MPZL3: variants seen among roughly 807,000 people sequenced by gnomAD.
The protein encoded by MPZL3 is myelin protein zero like 3, also known as myelin protein zero-like protein 3.
In MPZL3, 23 loss-of-function variants were observed where a neutral mutation model predicts 24.8. The observed-to-expected ratio is 0.93, with a 90% confidence interval of 0.67 to 1.31. The LOEUF (loss-of-function observed/expected upper bound fraction) is 1.31. Among genes scored for constraint, MPZL3 ranks in the 40% most tolerant of loss-of-function variants. The pLI is 0.00. For missense variants in MPZL3, 277 were observed against 294.9 expected (o/e 0.94, Z 0.44); for synonymous variants, 99 against 106.5 (o/e 0.93, Z 0.44).
chr11:118,232,914 C>T (rs977063279), intron 5 of MPZL3, among the ~76,000 whole-genome samples: 1 of 152,058 alleles, frequency 6.6e-6, no homozygotes, highest in African/African-American at 2.4e-5. Flanking sequence ...GGACACCCAC[C>T]CCAGCCTCCT....
chr11:118,237,033 G>T lies in MPZL3; in HGVS notation c.451+17C>A, dbSNP rs1372326442. ...TCACAGAGCACTGCAGAAGAAGGTT[G>T]GTGGCAATGAGCTTACCCCTTTCTG... On this transcript the variant is annotated intron_variant, in intron 3 of 5. Transcript: ENST00000278949. 2 of 1,606,816 alleles carry T rather than the reference G, an allele frequency of 1.2e-6. No individual in the cohort carries two copies. Among genetic ancestry groups the T allele is most frequent in the Non-Finnish European group, 1.7e-6 (2 of 1,173,734 alleles).
chr11:118,245,015 G>A (rs1389939109), intron 1 of MPZL3, among the ~76,000 whole-genome samples: 2 of 152,270 alleles, frequency 1.3e-5, no homozygotes, highest in Non-Finnish European at 2.9e-5. Flanking sequence ...GGCAGAGCTT[G>A]CCGTGAGCCG....
chr11:118,252,212 G>A lies in MPZL3; in HGVS notation c.73+10C>T. On this transcript the variant is annotated intron_variant, in intron 1 of 5. Transcript: ENST00000278949. ...GCCGGAAGTGGAGCGTAGCCAGCCG[G>A]AGCACTCACCCTGGAAGAACAGGAC... The A allele has an allele frequency of 6.2e-7, 1 of 1,613,340 alleles. No homozygotes were observed. Among genetic ancestry groups the A allele is most frequent in the Non-Finnish European group, 8.5e-7 (1 of 1,179,884 alleles).
intron 4 of MPZL3, among the ~76,000 whole-genome samples, chr11:118,234,891 A>G (rs534401036): frequency 6.6e-6 from 1 of 152,206 alleles, no homozygotes; most frequent in Admixed American, 6.5e-5. Flanking sequence ...AATTTACTAG[A>G]TCATGCCTGC....
intron 1 of MPZL3, among the ~76,000 whole-genome samples, chr11:118,249,620 A>C (rs942976713): frequency 5.3e-5 from 8 of 152,136 alleles, no homozygotes; most frequent in Admixed American, 5.2e-4. Context: ...TGAAAGAATT[A>C]AATGTGTCAA....
intron 5 of MPZL3, among the ~76,000 whole-genome samples, chr11:118,231,531 A>C (rs1423710149): frequency 6.6e-6 from 1 of 152,052 alleles, no homozygotes; most frequent in East Asian, 1.9e-4. Context: ...CTCTCTTCTC[A>C]ACTCCACACC....
At chr11:118,242,381 A>T (rs1301452154) in intron 1 of MPZL3, among the ~76,000 whole-genome samples, 1 of 152,238 alleles carries the variant, frequency 6.6e-6, no homozygotes, top group Non-Finnish European at 1.5e-5. Flanking sequence ...AGCATCTGGA[A>T]TAATAACTTT....
chr11:118,229,710 T>C lies in MPZL3; in HGVS notation c.*184A>G, dbSNP rs1213907946. On this transcript the variant is annotated 3_prime_UTR_variant, in exon 6 of 6. Transcript: ENST00000278949. ...CTCTTATGAGAGTTCCTGAACAGTT[T>C]ATAAATACAACAAGAACATTTATTC... The C allele has an allele frequency of 1.8e-6, 1 of 551,126 alleles. No individual in the cohort carries two copies. The highest frequency in any genetic ancestry group is 3.2e-6 in the Non-Finnish European group (1 of 312,862). The allele number at this position is 551,126 out of a possible 1,614,324, so 34.1% of individuals were successfully genotyped here.
At position 118,229,575 on chromosome 11, in the gene MPZL3, A is replaced by G. The variant is rs576949782; in HGVS notation, c.*319T>C. ...TTCTCCTTCAAACAGTTGGAAGAAA[A>G]CATGTAATACATTCCAGAGCAAAGA... On this transcript the variant is annotated 3_prime_UTR_variant, in exon 6 of 6. Coordinates refer to ENST00000278949, the MANE Select transcript of MPZL3 (RefSeq NM_198275.3). The G allele has an allele frequency of 1.3e-4, 31 of 230,868 alleles. No homozygotes were observed. The highest frequency in any genetic ancestry group is 1.9e-4 in the Non-Finnish European group (23 of 119,038). 14.3% of individuals were successfully genotyped at this position (230,868 alleles called of 1,614,324 possible). A position where few individuals can be genotyped will look rare whatever the true frequency, so the allele number is the denominator to read the frequency against.
At chr11:118,237,666 A>G (rs1765588930) in intron 2 of MPZL3, among the ~76,000 whole-genome samples, 1 of 152,148 alleles carries the variant, frequency 6.6e-6, no homozygotes, top group Non-Finnish European at 1.5e-5. Flanking sequence ...ACCCACAGCA[A>G]AGAATTATCT....
intron 4 of MPZL3, among the ~76,000 whole-genome samples, chr11:118,235,196 A>G (rs1949406673): frequency 6.6e-6 from 1 of 152,226 alleles, no homozygotes; most frequent in African/African-American, 2.4e-5. Context: ...TCCAAAGCAG[A>G]AGACTAGGAC....
intron 5 of MPZL3, among the ~76,000 whole-genome samples, chr11:118,231,901 T>A (rs1949357341): frequency 1.3e-5 from 2 of 152,172 alleles, no homozygotes; most frequent in Non-Finnish European, 2.9e-5. Flanking sequence ...ACTCTCTGAT[T>A]CTGTCATTGC....
At position 118,250,925 on chromosome 11, in the gene MPZL3, T is replaced by C. The variant is rs530961946; in HGVS notation, c.73+1297A>G. On this transcript the variant is annotated intron_variant, in intron 1 of 5. Coordinates refer to ENST00000278949, the MANE Select transcript of MPZL3 (RefSeq NM_198275.3). ...AAAGGCAAAAAATCTATTCCACAAGTACATAGAGATTGTAAAATCAACTTT... is the reference window on the plus strand; with the variant it reads ...AAAGGCAAAAAATCTATTCCACAAGCACATAGAGATTGTAAAATCAACTTT... 8.2e-4 allele frequency among the ~76,000 whole-genome samples: 125 copies of C among 152,306 alleles called. 2 individuals are homozygous for C. Among genetic ancestry groups the C allele is most frequent in the African/African-American group, 2.9e-3 (120 of 41,572 alleles).
rs2134691360 is a variant in MPZL3, at chr11:118,229,903, C to T, written c.699G>A (p.Glu233=). The T allele has an allele frequency of 6.2e-7, 1 of 1,613,440 alleles. No homozygotes were observed. The highest frequency in any genetic ancestry group is 1.1e-5 in the South Asian group (1 of 90,982). ...GTCATACAGACTTTCATCAATATGT[C>T]TCTTCATAGTCTGAATCCTGGAGGG... The part of the protein sequence containing the change: ...CAECLDSDYE[E]TY The change falls in exon 6 of 6, where the codon GAG becomes GAA. Residue 233 remains glutamate (E), a synonymous_variant. Coordinates refer to ENST00000278949, the MANE Select transcript of MPZL3 (RefSeq NM_198275.3).
At position 118,237,046 on chromosome 11, in the gene MPZL3, T is replaced by G; in HGVS notation, c.451+4A>C. ...CAGAAGAAGGTTGGTGGCAATGAGC[T>G]TACCCCTTTCTGTGACTGTTAGCTC... On this transcript the variant is annotated splice_donor_region_variant and intron_variant, in intron 3 of 5. Transcript: ENST00000278949. 6.2e-7 allele frequency: 1 copy of G among 1,613,488 alleles called. No homozygotes were observed. The highest frequency in any genetic ancestry group is 8.5e-7 in the Non-Finnish European group (1 of 1,179,454).
chr11:118,251,191 A>C (rs911825870), intron 1 of MPZL3, among the ~76,000 whole-genome samples: 1 of 151,844 alleles, frequency 6.6e-6, no homozygotes, highest in African/African-American at 2.4e-5. Context: ...CTGCAAAGTA[A>C]TTTAGCTTAA....
chr11:118,229,773 T>C lies in MPZL3; in HGVS notation c.*121A>G. 2 of 865,528 alleles carry C rather than the reference T, an allele frequency of 2.3e-6. No individual in the cohort carries two copies. Among genetic ancestry groups the C allele is most frequent in the Non-Finnish European group, 3.7e-6 (2 of 536,588 alleles). The allele number at this position is 865,528 out of a possible 1,614,324, so 53.6% of individuals were successfully genotyped here. ...GTTCCTAAAGTCTTTACTGATGATC[T>C]CCAGGATTGTCCATCGCTATGGTCC... On this transcript the variant is annotated 3_prime_UTR_variant, in exon 6 of 6. Transcript: ENST00000278949.
intron 1 of MPZL3, among the ~76,000 whole-genome samples, chr11:118,246,500 T>A (rs1445951172): frequency 6.6e-6 from 1 of 151,412 alleles, no homozygotes; most frequent in Non-Finnish European, 1.5e-5. Context: ...ACACTATCAG[T>A]CAGGATCCAG....
At chr11:118,249,805 G>C (rs751353545) in intron 1 of MPZL3, among the ~76,000 whole-genome samples, 6 of 151,920 alleles carry the variant, frequency 3.9e-5, no homozygotes, top group Non-Finnish European at 8.8e-5. Flanking sequence ...AACTTAAGGA[G>C]AATTCAAATA....
Sources: gnomAD v4.1 joint callset for allele counts (sites outside exome capture counted in the v4.1 genomes callset) on GRCh38, gnomAD v4.1.1 for gene constraint, MANE v1.5 for transcripts, NCBI Gene and HGNC (gene_info 2026-07-23, HGNC 2026-07-21) for gene names.